The following CNTNAP2 variants were observed in gnomAD, a reference collection of about 807,000 sequenced individuals.
CNTNAP2 encodes contactin associated protein 2.
In CNTNAP2, 98 loss-of-function variants were observed where a neutral mutation model predicts 155.2. The ratio of observed to expected loss-of-function variants is 0.63; its 90% confidence interval spans 0.54 to 0.75. The LOEUF (loss-of-function observed/expected upper bound fraction) is 0.75, where lower values mean the gene tolerates loss of function less well. Ranked by LOEUF, CNTNAP2 falls within the 30% of genes least tolerant of loss-of-function variation. CNTNAP2 has a pLI of 0.00. For missense variants in CNTNAP2, 1,727 were observed against 1,688.1 expected, an observed-to-expected ratio of 1.02 and a Z score of -0.40; for synonymous variants, 651 against 631.2, an observed-to-expected ratio of 1.03 and a Z score of -0.47.
At position 146,647,863 on chromosome 7, in the gene CNTNAP2, C is replaced by T. The variant is rs1240553316; in HGVS notation, c.98-126408C>T. Among the ~76,000 whole-genome samples the T allele has an allele frequency of 3.3e-5, 5 of 152,202 alleles. No homozygotes were observed. The East Asian group carries it at 9.6e-4, about 29-fold the overall frequency. ...CTATAGTCATCCTAAGAAGGGTTCC[C>T]GTGTATAAAGAACATGTTTTATATT... On this transcript the variant is annotated intron_variant, in intron 1 of 23. Transcript: ENST00000361727.
At chr7:147,607,269 C>T (rs77799304) in intron 12 of CNTNAP2, among the ~76,000 whole-genome samples, 1 of 151,562 alleles carries the variant, frequency 6.6e-6, no homozygotes, top group Non-Finnish European at 1.5e-5. Context: ...GGTCAAGAAA[C>T]GGGACAGAAG....
At chr7:146,828,411 C>T (rs1027166934) in intron 2 of CNTNAP2, among the ~76,000 whole-genome samples, 6 of 152,062 alleles carry the variant, frequency 3.9e-5, no homozygotes, top group South Asian at 2.1e-4. Context: ...AAATAAAGAA[C>T]GCAGTCCAAT....
At chr7:146,749,891 A>G (rs542946103) in intron 1 of CNTNAP2, among the ~76,000 whole-genome samples, 16 of 152,314 alleles carry the variant, frequency 1.1e-4, no homozygotes, top group African/African-American at 3.6e-4. Context: ...TCTTCTCAGT[A>G]TCTCACCTGG....
intron 12 of CNTNAP2, among the ~76,000 whole-genome samples, chr7:147,601,636 T>TAAAAAAAAAAA (rs370619019): frequency 4.3e-5 from 3 of 69,250 alleles, no homozygotes; most frequent in African/African-American, 1.9e-4. Context: ...CATTGACTCT[T>TAAAAAAAAAAA]AAAAAAAAAT....
At chr7:147,337,382 C>T (rs759158254) in intron 9 of CNTNAP2, among the ~76,000 whole-genome samples, 2 of 152,020 alleles carry the variant, frequency 1.3e-5, no homozygotes, top group Non-Finnish European at 2.9e-5. Flanking sequence ...TTCAGGACAC[C>T]CTGTTCTGGG....
intron 1 of CNTNAP2, among the ~76,000 whole-genome samples, chr7:146,564,611 CA>C (rs1798329574): frequency 6.7e-6 from 1 of 148,352 alleles, no homozygotes; most frequent in Non-Finnish European, 1.5e-5. Flanking sequence ...ATAAATGTAG[CA>C]TATTATTTAA....
intron 21 of CNTNAP2, among the ~76,000 whole-genome samples, chr7:148,320,764 C>A (rs1021689145): frequency 1.3e-5 from 2 of 152,164 alleles, no homozygotes; most frequent in South Asian, 2.1e-4. Context: ...AACAGACATG[C>A]TGACTGTCAT....
rs540821730 is a variant in CNTNAP2 at position 146,327,009 on chromosome 7, G to T, written c.97+210036G>T. Among the ~76,000 whole-genome samples, 330 of 152,140 alleles carry T rather than the reference G, an allele frequency of 2.2e-3. 2 individuals carry two copies. The highest frequency in any genetic ancestry group is 7.3e-3 in the African/African-American group (305 of 41,506). On this transcript the variant is annotated intron_variant, in intron 1 of 23. Coordinates refer to ENST00000361727, the MANE Select transcript of CNTNAP2 (RefSeq NM_014141.6). ...ATAAAAATGGAACTATTGCCCTGTA[G>T]AATATTCAAGACCATGGTGCCACTT... is the stretch of plus-strand genomic sequence containing the variant.
intron 1 of CNTNAP2, among the ~76,000 whole-genome samples, chr7:146,151,125 G>A (rs1798030415): frequency 1.3e-5 from 2 of 152,038 alleles, no homozygotes; most frequent in African/African-American, 4.8e-5. Flanking sequence ...CATGAGAACT[G>A]CATGGAGGAA....
chr7:146,808,857 G>A (rs555634880), intron 2 of CNTNAP2, among the ~76,000 whole-genome samples: 1 of 152,122 alleles, frequency 6.6e-6, no homozygotes, highest in Middle Eastern at 3.4e-3. Flanking sequence ...GTTCATTCAC[G>A]TTGTCACGAA....
intron 8 of CNTNAP2, among the ~76,000 whole-genome samples, chr7:147,273,302 G>A (rs1475253794): frequency 6.6e-6 from 1 of 152,078 alleles, no homozygotes; most frequent in Non-Finnish European, 1.5e-5. Flanking sequence ...AATTATGGTA[G>A]CATGCTTTGG....
chr7:147,839,180 AT>A (rs1798682648), intron 13 of CNTNAP2, among the ~76,000 whole-genome samples: 1 of 152,042 alleles, frequency 6.6e-6, no homozygotes, highest in African/African-American at 2.4e-5. Flanking sequence ...CTGGCAGGTG[AT>A]TAGATTGTAT....
At chr7:148,016,853 C>T (rs1360150507) in intron 15 of CNTNAP2, among the ~76,000 whole-genome samples, 1 of 152,156 alleles carries the variant, frequency 6.6e-6, no homozygotes, top group Non-Finnish European at 1.5e-5. Flanking sequence ...TCTGGAATAG[C>T]ATTCCTTCCC....
chr7:146,238,488 T>C (rs1799509951), intron 1 of CNTNAP2, among the ~76,000 whole-genome samples: 1 of 151,848 alleles, frequency 6.6e-6, no homozygotes, highest in Non-Finnish European at 1.5e-5. Context: ...ATTATAGAAT[T>C]GAAGAGAAAA....
chr7:147,262,559 C>T (rs943631803), intron 8 of CNTNAP2, among the ~76,000 whole-genome samples: 1 of 152,192 alleles, frequency 6.6e-6, no homozygotes, highest in African/African-American at 2.4e-5. Context: ...AATCTCAGCA[C>T]TTTGGGAGGC....
intron 3 of CNTNAP2, among the ~76,000 whole-genome samples, chr7:147,033,492 T>C (rs973233740): frequency 2.0e-5 from 3 of 152,064 alleles, no homozygotes; most frequent in Non-Finnish European, 2.9e-5. Context: ...CAGTCTAGCA[T>C]GCTCTATTTT....
chr7:147,815,391 G>A (rs1317221004), intron 13 of CNTNAP2, among the ~76,000 whole-genome samples: 1 of 152,124 alleles, frequency 6.6e-6, no homozygotes, highest in Non-Finnish European at 1.5e-5. Context: ...GTGACCATAG[G>A]ACTGAAATTC....
chr7:147,397,564 C>T (rs1044956719), intron 10 of CNTNAP2, among the ~76,000 whole-genome samples: 4 of 151,740 alleles, frequency 2.6e-5, no homozygotes, highest in South Asian at 2.1e-4. Flanking sequence ...AAATTGTTTG[C>T]TACTAAAGAA....
chr7:147,468,442 T>C (rs1032575835), intron 10 of CNTNAP2, among the ~76,000 whole-genome samples: 12 of 152,236 alleles, frequency 7.9e-5, no homozygotes, highest in African/African-American at 2.9e-4. Context: ...GTCTTGCTTT[T>C]CTAAGTGTTG....
Sources: gnomAD v4.1 joint callset for allele counts (sites outside exome capture counted in the v4.1 genomes callset) on GRCh38, gnomAD v4.1.1 for gene constraint, MANE v1.5 for transcripts, NCBI Gene and HGNC (gene_info 2026-07-23, HGNC 2026-07-21) for gene names.